Variants in HKDC1 observed in about 807,000 individuals in gnomAD.
The protein encoded by HKDC1 is hexokinase HKDC1.
Under a neutral mutation model 96.6 loss-of-function variants are expected in HKDC1, and 66 were observed. The ratio of observed to expected loss-of-function variants is 0.68; its 90% CI spans 0.56 to 0.84. HKDC1 has a LOEUF of 0.84. HKDC1 is among the 40% of genes least tolerant of loss of function. HKDC1 has a pLI of 0.00. For missense variants in HKDC1, 1,211 were observed against 1,208.1 expected (o/e 1.00, Z -0.04); for synonymous variants, 466 against 473.1 (o/e 0.98, Z 0.20).
At chr10:69,249,188 T>G (rs1184397948) in intron 10 of HKDC1, among the ~76,000 whole-genome samples, 1 of 152,244 alleles carries the variant, frequency 6.6e-6, no homozygotes. Context: ...TCCTCGGTGC[T>G]CAGCCAAAAG....
intron 4 of HKDC1, among the ~76,000 whole-genome samples, chr10:69,233,510 T>G (rs192900151): frequency 6.6e-6 from 1 of 152,238 alleles, no homozygotes; most frequent in Non-Finnish European, 1.5e-5. Flanking sequence ...GCCTGAGGCC[T>G]GCACTTAGGA....
At chr10:69,227,951 C>T (rs1295101126) in intron 2 of HKDC1, among the ~76,000 whole-genome samples, 3 of 152,222 alleles carry the variant, frequency 2.0e-5, no homozygotes, top group African/African-American at 7.2e-5. Flanking sequence ...AGTGTTTAGC[C>T]TCAGTTTGCC....
intron 16 of HKDC1, 168 bp downstream of exon 16, chr10:69,261,462 A>C: frequency 1.7e-6 from 1 of 603,804 alleles, no homozygotes; most frequent in Non-Finnish European, 2.9e-6. Context: ...GATCGCTTTC[A>C]ACAATAATAA....
At chr10:69,254,511 G>A (rs1305490040) in intron 12 of HKDC1, among the ~76,000 whole-genome samples, 1 of 152,004 alleles carries the variant, frequency 6.6e-6, no homozygotes, top group African/African-American at 2.4e-5. Context: ...TGATTCCCTA[G>A]TCCTCCTTCC....
At chr10:69,229,290 T>C (rs1205117459) in intron 2 of HKDC1, among the ~76,000 whole-genome samples, 1 of 152,192 alleles carries the variant, frequency 6.6e-6, no homozygotes, top group Non-Finnish European at 1.5e-5. Context: ...GTAGCTTGGC[T>C]CTGCTGGTTG....
chr10:69,258,718 C>T lies in HKDC1; in HGVS notation c.2033-58C>T. Reference sequence around the variant, plus strand: ...AATTCTTATTTGCTGCACTCTGCCACCTTTCTAAAACCTGGTGATGTCTTT... The same window carrying T: ...AATTCTTATTTGCTGCACTCTGCCATCTTTCTAAAACCTGGTGATGTCTTT... On this transcript the variant is annotated intron_variant, in intron 14 of 17. Transcript: ENST00000354624. 5 of 1,560,966 alleles carry T rather than the reference C, an allele frequency of 3.2e-6. No homozygotes were observed. In the Middle Eastern group the frequency reaches 5.0e-4, roughly 157 times the overall value.
chr10:69,227,113 G>A (rs575180022), intron 1 of HKDC1, 94 bp from the exon 2 acceptor site: 1 of 1,382,248 alleles, frequency 7.2e-7, no homozygotes, highest in South Asian at 1.3e-5. Context: ...CCAGAGTCAG[G>A]AATGCAGCTT....
chr10:69,259,044 CTT>C, intron 15 of HKDC1, 85 bp downstream of exon 15: 1 of 1,051,556 alleles, frequency 9.5e-7, no homozygotes, highest in Non-Finnish European at 1.3e-6. Flanking sequence ...GACAGCATAG[CTT>C]TGTGTGCTTA....
chr10:69,225,151 C>A (rs936973901), intron 1 of HKDC1, among the ~76,000 whole-genome samples: 4 of 152,158 alleles, frequency 2.6e-5, no homozygotes, highest in African/African-American at 9.7e-5. Flanking sequence ...GCAAATGACC[C>A]CAACTGGGTC....
Position 69,250,560 on chromosome 10 carries a change from G to C in HKDC1, c.1744G>C (p.Ala582Pro), listed in dbSNP as rs780647583. 4 of 1,614,018 alleles carry C rather than the reference G, an allele frequency of 2.5e-6. No individual in the cohort carries two copies. The highest frequency in any genetic ancestry group is 1.3e-5 in the African/African-American group (1 of 75,018). The change falls in exon 12 of 18, where the codon GCC (alanine) becomes CCC (proline). Residue 582 changes from alanine to proline, a missense_variant. Transcript: ENST00000354624. ...CTTTGATCACATTGTGCAGTGCATC[G>C]CCGACTTCCTGGACTACATGGGCCT... ...ELFDHIVQCI[A>P]DFLDYMGLKG...
At chr10:69,262,378 A>G (rs919763199) in intron 16 of HKDC1, among the ~76,000 whole-genome samples, 8 of 151,718 alleles carry the variant, frequency 5.3e-5, no homozygotes, top group African/African-American at 1.9e-4. Context: ...TAGTAGAAAC[A>G]TTTGGTTAAA....
intron 7 of HKDC1, among the ~76,000 whole-genome samples, chr10:69,244,860 C>T (rs1843513776): frequency 6.6e-6 from 1 of 151,882 alleles, no homozygotes; most frequent in Non-Finnish European, 1.5e-5. Flanking sequence ...TCCCTGACAT[C>T]CACCCTAAAT....
At chr10:69,230,411 G>A (rs1395118495) in intron 2 of HKDC1, among the ~76,000 whole-genome samples, 2 of 152,034 alleles carry the variant, frequency 1.3e-5, no homozygotes, top group Admixed American at 1.3e-4. Flanking sequence ...CTCCCCCTGG[G>A]GACTCTGAAT....
intron 8 of HKDC1, 27 bp from the exon 9 acceptor site, chr10:69,247,333 G>C: frequency 6.6e-7 from 1 of 1,507,800 alleles, no homozygotes; most frequent in Non-Finnish European, 9.2e-7. Flanking sequence ...GAGAAGTGTC[G>C]TTCACTCATT....
In HKDC1 at chr10:69,265,672, G is replaced by T. The variant is rs1294446657; in HGVS notation, c.2460G>T (p.Glu820Asp). 2 of 1,614,000 alleles carry T rather than the reference G, an allele frequency of 1.2e-6. No individual in the cohort carries two copies. The highest frequency in any genetic ancestry group is 1.7e-6 in the Non-Finnish European group (2 of 1,180,004). Residue 820 changes from glutamate to aspartate, a missense_variant, in exon 17 of 18, where the codon GAG becomes GAT. Physicochemically the swap from Glu to Asp is conservative, Grantham distance 45. Coordinates refer to ENST00000354624, the MANE Select transcript of HKDC1 (RefSeq NM_025130.4). ...STCEDSIVVK[E>D]VCGAVSRRAA... ...GTGAGGACAGCATCGTGGTGAAGGA[G>T]GTGTGCGGAGCCGTGTCCCGGCGGG...
intron 10 of HKDC1, among the ~76,000 whole-genome samples, chr10:69,249,746 G>A (rs770693538): frequency 2.6e-4 from 39 of 152,004 alleles, no homozygotes; most frequent in African/African-American, 6.8e-4. Flanking sequence ...TGATCCACCT[G>A]CCTCGGCCTC....
intron 1 of HKDC1, among the ~76,000 whole-genome samples, chr10:69,225,640 G>A (rs187062593): frequency 1.7e-3 from 262 of 152,204 alleles, no homozygotes; most frequent in Middle Eastern, 0.01. Flanking sequence ...GCTGATGACC[G>A]GGCCCCTGTC....
rs2132323425 is a variant in HKDC1, at chr10:69,220,385, A to G, written c.-51A>G. ...CAACACTCCAGAGTCGTAGGAGTGA[A>G]CACTGCACAGGAATCTCTGCCCATC... On this transcript the variant is annotated 5_prime_UTR_variant, in exon 1 of 18. Transcript: ENST00000354624. The G allele has an allele frequency of 6.9e-7, 1 of 1,447,940 alleles. No homozygotes were observed. Among genetic ancestry groups the G allele is most frequent in the East Asian group, 2.4e-5 (1 of 41,732 alleles). The allele number at this position is 1,447,940 out of a possible 1,614,324, so 89.7% of individuals were successfully genotyped here. A position where few individuals can be genotyped will look rare whatever the true frequency, so the allele number is the denominator to read the frequency against.
Position 69,240,663 on chromosome 10 carries a change from G to C in HKDC1, c.603G>C (p.Val201=). The change falls in exon 6 of 18, where the codon GTG becomes GTC. Residue 201 remains valine (V), a synonymous_variant. Coordinates refer to ENST00000354624, the MANE Select transcript of HKDC1 (RefSeq NM_025130.4). The stretch of plus-strand genomic sequence containing the variant: ...CTTGTGTTCGGCAGGACATGGACGT[G>C]GACATCCTGGCCCTGGTCAATGACA... The part of the protein sequence containing the change: ...KAMRRHKDMD[V]DILALVNDTV... 2 of 1,613,868 alleles carry C rather than the reference G, an allele frequency of 1.2e-6. No individual in the cohort carries two copies. The highest frequency in any genetic ancestry group is 1.7e-6 in the Non-Finnish European group (2 of 1,179,838).
Sources: gnomAD v4.1 joint callset for allele counts (sites outside exome capture counted in the v4.1 genomes callset) on GRCh38, gnomAD v4.1.1 for gene constraint, MANE v1.5 for transcripts, NCBI Gene and HGNC (gene_info 2026-07-23, HGNC 2026-07-21) for gene names.